MTMR2: variants seen among roughly 807,000 people sequenced by gnomAD.
The protein encoded by MTMR2 is myotubularin related protein 2.
A neutral mutation model predicts 86.9 loss-of-function variants in MTMR2; 55 were observed. The observed-to-expected ratio is 0.63, with a 90% confidence interval of 0.51 to 0.79. The LOEUF (loss-of-function observed/expected upper bound fraction) is 0.79. Ranked by LOEUF, MTMR2 falls within the 30% of genes least tolerant of loss-of-function variation. The pLI is 0.00. For missense variants in MTMR2, 659 were observed against 772.3 expected, an observed-to-expected ratio of 0.85 and a Z score of 1.74; for synonymous variants, 241 against 266.8, an observed-to-expected ratio of 0.90 and a Z score of 0.94.
At chr11:95,850,857 C>T in intron 7 of MTMR2, 108 bp from the exon 8 acceptor site, 1 of 1,047,214 alleles carries the variant, frequency 9.5e-7, no homozygotes, top group Non-Finnish European at 1.5e-6. Flanking sequence ...CTATCCATCT[C>T]CTAAAGTGTT....
At chr11:95,865,807 G>T (rs1489002229) in intron 2 of MTMR2, 131 bp from the exon 3 acceptor site, 2 of 767,716 alleles carry the variant, frequency 2.6e-6, no homozygotes, top group African/African-American at 1.7e-5. Context: ...AATCAAATTT[G>T]TTAAACTGTA....
chr11:95,890,494 G>A (rs1407499819), intron 1 of MTMR2, among the ~76,000 whole-genome samples: 2 of 152,166 alleles, frequency 1.3e-5, no homozygotes, highest in East Asian at 1.9e-4. Context: ...GGGATTTAGT[G>A]GGAAATCTGC....
chr11:95,864,229 G>A (rs1310426263), intron 3 of MTMR2, among the ~76,000 whole-genome samples: 1 of 152,106 alleles, frequency 6.6e-6, no homozygotes, highest in Non-Finnish European at 1.5e-5. Context: ...TATATGGCAA[G>A]TGATGTTACA....
At chr11:95,855,280 T>G (rs747516499) in intron 7 of MTMR2, among the ~76,000 whole-genome samples, 7 of 152,152 alleles carry the variant, frequency 4.6e-5, no homozygotes, top group Non-Finnish European at 4.4e-5. Flanking sequence ...TTTTGAGACA[T>G]GGCATCTCAC....
chr11:95,851,781 A>C (rs150640507), intron 7 of MTMR2, among the ~76,000 whole-genome samples: 12 of 152,354 alleles, frequency 7.9e-5, no homozygotes, highest in African/African-American at 2.9e-4. Flanking sequence ...AGGTATTATA[A>C]TACTAATGGA....
chr11:95,851,055 CTTTTTTT>C lies in MTMR2; in HGVS notation c.655-313_655-307del, dbSNP rs55809121. Reference sequence around the variant, plus strand: ...GGAAACAGTAAGACTTCAAATATTCCTTTTTTTTTTTTTTTTTTTTTTTTTGAGACAG... The same window carrying C: ...GGAAACAGTAAGACTTCAAATATTCCTTTTTTTTTTTTTTTTTTGAGACAG... On this transcript the variant is annotated intron_variant, in intron 7 of 14. Transcript: ENST00000346299. Among the ~76,000 whole-genome samples the C allele has an allele frequency of 3.6e-4, 34 of 93,416 alleles. 1 individual carries two copies. The South Asian group carries it at 7.0e-3, about 19-fold the overall frequency. 61.3% of individuals were successfully genotyped at this position (93,416 alleles called of 152,430 possible).
intron 1 of MTMR2, among the ~76,000 whole-genome samples, chr11:95,916,606 A>C (rs1866719494): frequency 6.6e-6 from 1 of 152,012 alleles, no homozygotes. Flanking sequence ...ATATTAAGCC[A>C]CTGTCAGTTT....
chr11:95,868,009 T>G (rs1340580439), intron 2 of MTMR2, among the ~76,000 whole-genome samples: 2 of 152,038 alleles, frequency 1.3e-5, no homozygotes, highest in Non-Finnish European at 2.9e-5. Flanking sequence ...GCTCAGCCTA[T>G]GCTCTCAGCA....
intron 2 of MTMR2, among the ~76,000 whole-genome samples, chr11:95,885,947 C>G (rs1865498789): frequency 6.6e-6 from 1 of 152,130 alleles, no homozygotes; most frequent in South Asian, 2.1e-4. Context: ...CTCCCCAAAA[C>G]ACATAACCCC....
chr11:95,839,022 A>AT (rs1435308912), intron 12 of MTMR2, among the ~76,000 whole-genome samples: 1 of 152,070 alleles, frequency 6.6e-6, no homozygotes, highest in Non-Finnish European at 1.5e-5. Context: ...AAATATTTAG[A>AT]TTGCAGACTG....
intron 3 of MTMR2, 29 bp downstream of exon 3, chr11:95,865,572 G>A: frequency 1.9e-6 from 3 of 1,588,228 alleles, no homozygotes; most frequent in Middle Eastern, 1.7e-4. Context: ...AACGGAGAAG[G>A]ACATTAAGCA....
chr11:95,914,163 G>T, intron 1 of MTMR2: 5 of 975,822 alleles, frequency 5.1e-6, no homozygotes, highest in Non-Finnish European at 6.1e-6. Flanking sequence ...TTTCATTTGG[G>T]ATAATATATA....
intron 8 of MTMR2, 64 bp from the exon 9 acceptor site, chr11:95,849,926 A>T: frequency 7.0e-7 from 1 of 1,437,860 alleles, no homozygotes; most frequent in Non-Finnish European, 9.7e-7. Flanking sequence ...TCTCAAAAAC[A>T]GTACTCAGTA....
chr11:95,838,557 G>C (rs965792908), intron 12 of MTMR2, among the ~76,000 whole-genome samples: 2 of 151,870 alleles, frequency 1.3e-5, no homozygotes, highest in Admixed American at 1.3e-4. Context: ...CTTTTTTAAG[G>C]ATTACACACA....
intron 1 of MTMR2, among the ~76,000 whole-genome samples, chr11:95,917,356 AGCTTTCCAAAATAAACTTACT>A (rs1207624235): frequency 2.0e-5 from 3 of 152,188 alleles, no homozygotes; most frequent in Non-Finnish European, 4.4e-5. Flanking sequence ...TTAACTTGGC[AGCTTTCCAAAATAAACTTACT>A]GCTTTCTGGT....
intron 3 of MTMR2, among the ~76,000 whole-genome samples, chr11:95,863,182 A>C (rs1190919724): frequency 6.6e-6 from 1 of 152,192 alleles, no homozygotes; most frequent in Non-Finnish European, 1.5e-5. Flanking sequence ...ATTACACCAA[A>C]TCAGCAGATA....
intron 1 of MTMR2, among the ~76,000 whole-genome samples, chr11:95,912,489 A>G (rs1025131214): frequency 2.0e-5 from 3 of 151,398 alleles, no homozygotes; most frequent in African/African-American, 7.3e-5. Flanking sequence ...ATGTCTTGAA[A>G]TATTAAAAAA....
In MTMR2 at chr11:95,835,351, GA is replaced by G; in HGVS notation, c.1870del (p.Ser624HisfsTer24). The G allele has an allele frequency of 6.2e-7, 1 of 1,613,144 alleles. No individual in the cohort carries two copies. The highest frequency in any genetic ancestry group is 8.5e-7 in the Non-Finnish European group (1 of 1,179,376). On this transcript the variant is annotated frameshift_variant, in exon 15 of 15. Coordinates refer to ENST00000346299, the MANE Select transcript of MTMR2 (RefSeq NM_016156.6). LOFTEE classifies it high-confidence loss of function. ...AGGAGAGCTGGCTCTCTCTGAGGAT[GA>G]GGTTGATCGGTTAGAAATCTCTCTC... is the stretch of plus-strand genomic sequence containing the variant. ...LQREISNRST[S>X]SSERASSPAQ...
At chr11:95,910,852 T>A (rs1866478338) in intron 1 of MTMR2, among the ~76,000 whole-genome samples, 1 of 152,032 alleles carries the variant, frequency 6.6e-6, no homozygotes, top group African/African-American at 2.4e-5. Context: ...CTGTTCATGC[T>A]CTATTAGTCA....
Sources: allele counts gnomAD v4.1 joint callset (sites outside exome capture counted in the v4.1 genomes callset), GRCh38; gene constraint gnomAD v4.1.1; transcripts MANE v1.5; gene names NCBI Gene and HGNC (gene_info 2026-07-23, HGNC 2026-07-21).